The following PPP4R3A variants were observed in gnomAD, a reference collection of about 807,000 sequenced individuals.
The protein encoded by PPP4R3A is protein phosphatase 4 regulatory subunit 3A, also known as serine/threonine-protein phosphatase 4 regulatory subunit 3A.
PPP4R3A carries 15 observed loss-of-function variants against 91.7 expected under a neutral mutation model. The observed-to-expected ratio is 0.16, with a 90% CI of 0.11 to 0.25. The LOEUF (loss-of-function observed/expected upper bound fraction) is 0.25. Ranked by LOEUF, PPP4R3A falls within the 10% of genes least tolerant of loss-of-function variation. The pLI, the probability that PPP4R3A is intolerant of heterozygous loss-of-function variation, is 1.00. For missense variants in PPP4R3A, 623 were observed against 998.4 expected, an observed-to-expected ratio of 0.62 and a Z score of 5.07; for synonymous variants, 377 against 348.7, an observed-to-expected ratio of 1.08 and a Z score of -0.91.
chr14:91,475,876 T>C lies in PPP4R3A; in HGVS notation c.1201A>G (p.Met401Val), dbSNP rs748091651. ...TCATCATTCTGTTGTGCCTCCTGCA[T>C]GACAAACTCTCGTACCATGGATGGA... ...YNPSMVREFV[M>V]QEAQQNDDVS... The change falls in exon 7 of 15, where the codon ATG becomes GTG. Residue 401 changes from methionine (M) to valine (V), a missense_variant. Physicochemically the swap from Met to Val is conservative, Grantham distance 21. Coordinates refer to ENST00000554943, the MANE Select transcript of PPP4R3A (RefSeq NM_001366432.2). 5.0e-6 allele frequency: 8 copies of C among 1,613,730 alleles called. No homozygotes were observed. The highest frequency in any genetic ancestry group is 3.3e-5 in the Admixed American group (2 of 59,932).
At chr14:91,497,076 G>C (rs1036653437) in intron 1 of PPP4R3A, among the ~76,000 whole-genome samples, 5 of 152,108 alleles carry the variant, frequency 3.3e-5, no homozygotes, top group Non-Finnish European at 7.4e-5. Context: ...TCAACTTTAG[G>C]AGAGGAATTT....
intron 1 of PPP4R3A, among the ~76,000 whole-genome samples, chr14:91,506,751 T>C (rs752134685): frequency 6.6e-6 from 1 of 152,130 alleles, no homozygotes; most frequent in Admixed American, 6.5e-5. Flanking sequence ...GGTTTCGCCA[T>C]GTTGCCCAGG....
intron 3 of PPP4R3A, 130 bp from the exon 4 acceptor site, chr14:91,482,323 A>G (rs1199959377): frequency 1.0e-6 from 1 of 970,786 alleles, no homozygotes; most frequent in Non-Finnish European, 1.5e-6. Context: ...AAAACTGCCT[A>G]CTTTTCTACA....
At chr14:91,503,607 CT>C (rs1891095234) in intron 1 of PPP4R3A, among the ~76,000 whole-genome samples, 1 of 152,056 alleles carries the variant, frequency 6.6e-6, no homozygotes, top group Admixed American at 6.6e-5. Context: ...GGAAGAATAG[CT>C]AATGGATGCT....
At chr14:91,505,217 C>CG (rs1891215575) in intron 1 of PPP4R3A, among the ~76,000 whole-genome samples, 3 of 152,064 alleles carry the variant, frequency 2.0e-5, no homozygotes, top group Admixed American at 2.0e-4. Context: ...CTTTGGGAGG[C>CG]TGAGGAGGGC....
chr14:91,496,405 A>G (rs900373868), intron 1 of PPP4R3A, among the ~76,000 whole-genome samples: 6 of 152,212 alleles, frequency 3.9e-5, no homozygotes, highest in African/African-American at 1.4e-4. Flanking sequence ...TGATTTTTAC[A>G]GTCACTAAAA....
In PPP4R3A at chr14:91,509,532, G is replaced by A. The variant is rs200747494; in HGVS notation, c.116C>T (p.Ser39Phe). ...GTCGCTCTCAGCCCTGACAAGCAGG[G>A]ACATGCCCTTCAGCCGCTCCACGTA... ...SGYVERLKGM[S>F]LLVRAESDGS... is the part of the protein sequence containing the mutation. Residue 39 changes from serine to phenylalanine, a missense_variant, in exon 1 of 15, where the codon TCC becomes TTC. By Grantham distance (155) the Ser-to-Phe change is radical. Coordinates refer to ENST00000554943, the MANE Select transcript of PPP4R3A (RefSeq NM_001366432.2). 6.3e-6 allele frequency: 10 copies of A among 1,597,578 alleles called. No individual in the cohort carries two copies. Among genetic ancestry groups the A allele is most frequent in the Non-Finnish European group, 7.6e-6 (9 of 1,177,024 alleles).
upstream of PPP4R3A, chr14:91,510,499 C>G (rs1378887431): frequency 6.6e-6 from 1 of 152,238 alleles, no homozygotes; most frequent in Admixed American, 6.5e-5. Context: ...GGTGACAGCC[C>G]GAGGCTCCCT....
chr14:91,475,580 C>CAA, intron 7 of PPP4R3A: 3 of 288,260 alleles, frequency 1.0e-5, no homozygotes, highest in Non-Finnish European at 1.9e-5. Context: ...CAAAACAAAA[C>CAA]AAAAAAAAAC....
At chr14:91,463,793 T>A (rs1283236657) in intron 11 of PPP4R3A, among the ~76,000 whole-genome samples, 1 of 152,102 alleles carries the variant, frequency 6.6e-6, no homozygotes, top group Non-Finnish European at 1.5e-5. Context: ...GGGGTCCATG[T>A]GCGTATTTGT....
chr14:91,489,644 C>A (rs1360200459), intron 2 of PPP4R3A, among the ~76,000 whole-genome samples: 1 of 152,076 alleles, frequency 6.6e-6, no homozygotes, highest in African/African-American at 2.4e-5. Context: ...TTAAGATGTG[C>A]TTTTACTCTT....
In PPP4R3A at chr14:91,509,950, A is replaced by G; in HGVS notation, c.-303T>C. On this transcript the variant is annotated 5_prime_UTR_variant, in exon 1 of 15. Coordinates refer to ENST00000554943, the MANE Select transcript of PPP4R3A (RefSeq NM_001366432.2). ...TCGTAGCCTCCCGCCCCGCAGCGCTAGGAACTCGGGGCTCCCGTCACTGCC... is the reference window on the plus strand; with the variant it reads ...TCGTAGCCTCCCGCCCCGCAGCGCTGGGAACTCGGGGCTCCCGTCACTGCC... 1 of 1,023,542 alleles carries G rather than the reference A, an allele frequency of 9.8e-7. No individual in the cohort carries two copies. The allele number at this position is 1,023,542 out of a possible 1,614,324, so 63.4% of individuals were successfully genotyped here.
intron 4 of PPP4R3A, among the ~76,000 whole-genome samples, chr14:91,479,990 G>C (rs1200839040): frequency 6.6e-6 from 1 of 152,198 alleles, no homozygotes; most frequent in Non-Finnish European, 1.5e-5. Flanking sequence ...GGATGACACA[G>C]TAAGAGCTTT....
intron 4 of PPP4R3A, among the ~76,000 whole-genome samples, chr14:91,477,841 G>T (rs1446166711): frequency 6.6e-6 from 1 of 152,210 alleles, no homozygotes; most frequent in Non-Finnish European, 1.5e-5. Flanking sequence ...CAGAGATGGG[G>T]TTTTGTCATG....
intron 10 of PPP4R3A, among the ~76,000 whole-genome samples, chr14:91,468,080 GATACTTAT>G (rs2140080632): frequency 6.6e-6 from 1 of 152,216 alleles, no homozygotes. Context: ...TTGTTAGGAA[GATACTTAT>G]ATATCCTCAA....
Position 91,464,308 on chromosome 14 carries a change from G to A in PPP4R3A, c.1830+942C>T, listed in dbSNP as rs186887132. Among the ~76,000 whole-genome samples, 426 of 151,818 alleles carry A rather than the reference G, an allele frequency of 2.8e-3. 1 individual carries two copies. The highest frequency in any genetic ancestry group is 0.014 in the Middle Eastern group (4 of 292). ...CGCACTTCAGCCTGGGTGACAGAGTGAGACTCTGTCCCCACCCCCCTCCCT... is the reference window on the plus strand; with the variant it reads ...CGCACTTCAGCCTGGGTGACAGAGTAAGACTCTGTCCCCACCCCCCTCCCT... On this transcript the variant is annotated intron_variant, in intron 11 of 14. Coordinates refer to ENST00000554943, the MANE Select transcript of PPP4R3A (RefSeq NM_001366432.2).
chr14:91,491,384 T>C (rs1290728376), intron 1 of PPP4R3A, among the ~76,000 whole-genome samples: 1 of 150,820 alleles, frequency 6.6e-6, no homozygotes, highest in Non-Finnish European at 1.5e-5. Flanking sequence ...TCTGAACATT[T>C]GATGCAAACT....
chr14:91,507,668 A>G (rs1205616121), intron 1 of PPP4R3A, among the ~76,000 whole-genome samples: 2 of 148,668 alleles, frequency 1.3e-5, no homozygotes, highest in Admixed American at 1.4e-4. Flanking sequence ...AATTGCTTAT[A>G]TTAATTATGC....
Position 91,510,086 on chromosome 14 carries a change from A to G in PPP4R3A, c.-439T>C, listed in dbSNP as rs1891698881. Reference sequence around the variant, plus strand: ...TTCCTTCCTTATACCTGGCCCTGCCACCGCGGCCAGTGGCTCCCTTCCGCT... The same window carrying G: ...TTCCTTCCTTATACCTGGCCCTGCCGCCGCGGCCAGTGGCTCCCTTCCGCT... On this transcript the variant is annotated 5_prime_UTR_variant, in exon 1 of 15. Coordinates refer to ENST00000554943, the MANE Select transcript of PPP4R3A (RefSeq NM_001366432.2). 1 of 334,428 alleles carries G rather than the reference A, an allele frequency of 3.0e-6. No homozygotes were observed. The highest frequency in any genetic ancestry group is 4.3e-6 in the Non-Finnish European group (1 of 234,400). The allele number at this position is 334,428 out of a possible 1,614,324, so 20.7% of individuals were successfully genotyped here.
Sources: gnomAD v4.1 joint callset for allele counts (sites outside exome capture counted in the v4.1 genomes callset) on GRCh38, gnomAD v4.1.1 for gene constraint, MANE v1.5 for transcripts, NCBI Gene and HGNC (gene_info 2026-07-23, HGNC 2026-07-21) for gene names.